Variants in UNC5A observed in about 807,000 individuals in gnomAD.
UNC5A encodes netrin receptor UNC5A.
UNC5A carries 20 observed loss-of-function variants against 87.4 expected under a neutral mutation model. The observed-to-expected ratio is 0.23, with a 90% CI of 0.16 to 0.33. UNC5A has a LOEUF of 0.33. Ranked by LOEUF, UNC5A falls within the 10% of genes least tolerant of loss-of-function variation. UNC5A has a pLI of 1.00. For synonymous variants in UNC5A, 438 were observed against 482.3 expected, an observed-to-expected ratio of 0.91 and a Z score of 1.20; for missense variants, 844 against 1,133.4, an observed-to-expected ratio of 0.74 and a Z score of 3.67.
intron 1 of UNC5A, among the ~76,000 whole-genome samples, chr5:176,843,884 C>T (rs922168213): frequency 3.3e-5 from 5 of 152,250 alleles, no homozygotes; most frequent in African/African-American, 4.8e-5. Flanking sequence ...ACGTGCGGCG[C>T]GTGGGGAGGG....
chr5:176,868,554 C>T lies in UNC5A; in HGVS notation c.437-7C>T, dbSNP rs1758029447. ...CAGACAGGAGGACACTCTCATTCCT[C>T]TTCTAGATTTGCGCAAGAACTTCGA... On this transcript the variant is annotated splice_region_variant and splice_polypyrimidine_tract_variant and intron_variant, in intron 3 of 14. Transcript: ENST00000329542. The T allele has an allele frequency of 6.3e-7, 1 of 1,594,158 alleles. No homozygotes were observed. The highest frequency in any genetic ancestry group is 8.5e-7 in the Non-Finnish European group (1 of 1,171,106).
rs767236589 is a variant in UNC5A, at chr5:176,868,566, C to T, written c.442C>T (p.Arg148Cys). Residue 148 changes from arginine to cysteine, a missense_variant, in exon 4 of 15, where the codon CGC becomes TGC. Around this residue, in one of 3 missense-constraint regions of UNC5A, gnomAD observed 314 missense variants for 466.5 expected, o/e 0.67. Transcript: ENST00000329542. ...QKAYIRIAYL[R>C]KNFEQEPLAK... Reference sequence around the variant, plus strand: ...CACTCTCATTCCTCTTCTAGATTTGCGCAAGAACTTCGAGCAGGAGCCGCT... The same window carrying T: ...CACTCTCATTCCTCTTCTAGATTTGTGCAAGAACTTCGAGCAGGAGCCGCT... 1.9e-6 allele frequency: 3 copies of T among 1,600,212 alleles called. No individual in the cohort carries two copies. The highest frequency in any genetic ancestry group is 1.7e-5 in the Admixed American group (1 of 57,570).
chr5:176,840,564 C>T (rs1757250901), intron 1 of UNC5A, among the ~76,000 whole-genome samples: 1 of 152,228 alleles, frequency 6.6e-6, no homozygotes, highest in Admixed American at 6.5e-5. Flanking sequence ...TGTCTAGGAT[C>T]CATTGGTCCG....
In UNC5A at chr5:176,868,945, C is replaced by T. The variant is rs200656095; in HGVS notation, c.702C>T (p.Ser234=). Residue 234 remains serine (S), a synonymous_variant, in exon 5 of 15, where the codon TCC becomes TCT. Coordinates refer to ENST00000329542, the MANE Select transcript of UNC5A (RefSeq NM_133369.3). Reference sequence around the variant, plus strand: ...TCGTGGCACGTCGCCGCAGCGCCTCCGCTGCTGTCATCGTCTACGGTGGGC... The same window carrying T: ...TCGTGGCACGTCGCCGCAGCGCCTCTGCTGCTGTCATCGTCTACGGTGGGC... ...KNIVARRRSA[S]AAVIVYVDGS... 46 of 1,608,580 alleles carry T rather than the reference C, an allele frequency of 2.9e-5. No individual in the cohort carries two copies. Among genetic ancestry groups the T allele is most frequent in the East Asian group, 2.7e-4 (12 of 44,758 alleles).
chr5:176,821,035 G>A (rs1567318), intron 1 of UNC5A, among the ~76,000 whole-genome samples: 2 of 152,042 alleles, frequency 1.3e-5, no homozygotes, highest in Non-Finnish European at 2.9e-5. Context: ...AACCAAACTT[G>A]CTTCCTTATG....
chr5:176,863,695 G>T (rs1757896738), intron 2 of UNC5A, among the ~76,000 whole-genome samples: 2 of 149,798 alleles, frequency 1.3e-5, no homozygotes, highest in East Asian at 4.0e-4. Flanking sequence ...AGAGGCAGGA[G>T]CAAACAACAG....
rs116953325 is a variant in UNC5A at position 176,869,368 on chromosome 5, G to A, written c.721+404G>A. Reference sequence around the variant, plus strand: ...GCTGGGGTCTGGGCTGCAGGAGTGTGTGAGCCGCGGTTCAGCCTGGCTACC... The same window carrying A: ...GCTGGGGTCTGGGCTGCAGGAGTGTATGAGCCGCGGTTCAGCCTGGCTACC... On this transcript the variant is annotated intron_variant, in intron 5 of 14. Transcript: ENST00000329542. This position sits in a 1 kb window ranked among gnomAD's most constrained non-coding sequence, Gnocchi z 9.1. 1.6e-4 allele frequency among the ~76,000 whole-genome samples: 24 copies of A among 152,254 alleles called. 1 individual carries two copies. The East Asian group carries it at 4.4e-3, about 28-fold the overall frequency.
chr5:176,843,172 AAAAGAAAG>A (rs201596079), intron 1 of UNC5A, among the ~76,000 whole-genome samples: 35 of 148,258 alleles, frequency 2.4e-4, no homozygotes, highest in African/African-American at 5.9e-4. Context: ...AAAAAAAAAA[AAAAGAAAG>A]AAAGAAAGAA....
chr5:176,847,730 AT>A (rs146713063), intron 1 of UNC5A, among the ~76,000 whole-genome samples: 2,627 of 152,184 alleles, frequency 0.017, 56 homozygotes, highest in African/African-American at 0.052. Context: ...TTTTATTAAG[AT>A]TTAAATATTC....
rs772667180 is a variant in UNC5A, at chr5:176,868,215, C to T, written c.378C>T (p.Cys126=). ...GGCTGGAGGAATACTGGTGCCAGTGCGTGGCATGGAGCTCCTCGGGCACCA... is the reference window on the plus strand; with the variant it reads ...GGCTGGAGGAATACTGGTGCCAGTGTGTGGCATGGAGCTCCTCGGGCACCA... The part of the protein sequence containing the change: ...VFGLEEYWCQ[C]VAWSSSGTTK... The change falls in exon 3 of 15, where the codon TGC becomes TGT. Residue 126 remains cysteine, a synonymous_variant. Transcript: ENST00000329542. 3.1e-6 allele frequency: 5 copies of T among 1,613,662 alleles called. No individual in the cohort carries two copies. The highest frequency in any genetic ancestry group is 1.7e-5 in the Admixed American group (1 of 59,996).
At position 176,868,542 on chromosome 5, in the gene UNC5A, A is replaced by C. The variant is rs748738796; in HGVS notation, c.437-19A>C. 1.9e-6 allele frequency: 3 copies of C among 1,581,410 alleles called. No homozygotes were observed. The highest frequency in any genetic ancestry group is 2.6e-6 in the Non-Finnish European group (3 of 1,163,900). On this transcript the variant is annotated intron_variant, in intron 3 of 14. Coordinates refer to ENST00000329542, the MANE Select transcript of UNC5A (RefSeq NM_133369.3). ...GTGCGAGGCCCTCAGACAGGAGGAC[A>C]CTCTCATTCCTCTTCTAGATTTGCG...
Position 176,879,384 on chromosome 5 carries a change from C to T in UNC5A, c.2259C>T (p.Phe753=), listed in dbSNP as rs145484999. The T allele has an allele frequency of 3.8e-5, 61 of 1,612,950 alleles. No homozygotes were observed. Among genetic ancestry groups the T allele is most frequent in the Non-Finnish European group, 4.8e-5 (57 of 1,179,904 alleles). Residue 753 remains phenylalanine (F), a synonymous_variant, in exon 14 of 15, where the codon TTC becomes TTT. Coordinates refer to ENST00000329542, the MANE Select transcript of UNC5A (RefSeq NM_133369.3). ...CAGCCCTGGTGGGCCCCAGTGCCTT[C>T]AAGATCCCCTTCCTCATTCGGCAGA... is the stretch of plus-strand genomic sequence containing the variant. ...GVPALVGPSA[F]KIPFLIRQKI...
At chr5:176,816,024 CCTCT>C (rs1377340714) in intron 1 of UNC5A, among the ~76,000 whole-genome samples, 2 of 152,186 alleles carry the variant, frequency 1.3e-5, no homozygotes, top group African/African-American at 4.8e-5. Context: ...AAATTCTAGT[CCTCT>C]CTCTGCTATT....
At chr5:176,873,790 A>C (rs1758188886) in intron 6 of UNC5A, among the ~76,000 whole-genome samples, 178 bp from the exon 7 acceptor site, 1 of 152,160 alleles carries the variant, frequency 6.6e-6, no homozygotes, top group South Asian at 2.1e-4. Flanking sequence ...AGTAATGGCA[A>C]ATACAGGGCT....
rs750442834 is a variant in UNC5A, at chr5:176,869,766, G to A, written c.722-604G>A. On this transcript the variant is annotated intron_variant, in intron 5 of 14. Coordinates refer to ENST00000329542, the MANE Select transcript of UNC5A (RefSeq NM_133369.3). This position sits in a 1 kb window ranked among gnomAD's most constrained non-coding sequence, Gnocchi z 9.1. Reference sequence around the variant, plus strand: ...GCAGAATGTCCAGAAAACAGCCTGCGCCACCCTGTGCCCAGGTACCAGCGG... The same window carrying A: ...GCAGAATGTCCAGAAAACAGCCTGCACCACCCTGTGCCCAGGTACCAGCGG... 22 of 606,182 alleles carry A rather than the reference G, an allele frequency of 3.6e-5. No homozygotes were observed. Among genetic ancestry groups the A allele is most frequent in the Middle Eastern group, 2.5e-4 (1 of 3,948 alleles). The allele number at this position is 606,182 out of a possible 1,614,324, so 37.6% of individuals were successfully genotyped here.
At chr5:176,860,055 G>A (rs900916240) in intron 1 of UNC5A, among the ~76,000 whole-genome samples, 1 of 152,208 alleles carries the variant, frequency 6.6e-6, no homozygotes, top group Non-Finnish European at 1.5e-5. Flanking sequence ...CTGATCGATA[G>A]GGAGGCTGGA....
At chr5:176,850,079 G>A (rs1046088971) in intron 1 of UNC5A, among the ~76,000 whole-genome samples, 3 of 152,208 alleles carry the variant, frequency 2.0e-5, no homozygotes, top group Non-Finnish European at 4.4e-5. Flanking sequence ...ATGGGAGGCC[G>A]AGGAGCAAGC....
chr5:176,874,376 T>A lies in UNC5A; in HGVS notation c.1188T>A (p.Asn396Lys). The A allele has an allele frequency of 6.2e-7, 1 of 1,613,740 alleles. No individual in the cohort carries two copies. The highest frequency in any genetic ancestry group is 8.5e-7 in the Non-Finnish European group (1 of 1,179,956). The change falls in exon 8 of 15, where the codon AAT becomes AAA. Residue 396 changes from asparagine (N) to lysine (K), a missense_variant. Around this residue, in one of 3 missense-constraint regions of UNC5A, gnomAD observed 353 missense variants for 387.5 expected, o/e 0.91. Transcript: ENST00000329542. The surrounding 1 kb of genome is among the most constrained non-coding windows in gnomAD (Gnocchi z 7.6). ...CCAGCCCCAAGTTCCAGCTCACCAATGGGCACCTGCTCAGCCCCCTGGGTG... is the reference window on the plus strand; with the variant it reads ...CCAGCCCCAAGTTCCAGCTCACCAAAGGGCACCTGCTCAGCCCCCTGGGTG... ...DGPSPKFQLT[N>K]GHLLSPLGGG...
At position 176,877,888 on chromosome 5, in the gene UNC5A, C is replaced by G; in HGVS notation, c.1636-6C>G. 12 of 1,597,624 alleles carry G rather than the reference C, an allele frequency of 7.5e-6. No homozygotes were observed. The highest frequency in any genetic ancestry group is 1.0e-5 in the Non-Finnish European group (12 of 1,176,354). On this transcript the variant is annotated splice_polypyrimidine_tract_variant and splice_region_variant and intron_variant, in intron 10 of 14. Coordinates refer to ENST00000329542, the MANE Select transcript of UNC5A (RefSeq NM_133369.3). ...GCCGAATTGACCCACTGACCCCTGC[C>G]CACAGGATGTGCTGCACCTGGGCGA... is the stretch of plus-strand genomic sequence containing the variant.
Sources: allele counts gnomAD v4.1 joint callset (sites outside exome capture counted in the v4.1 genomes callset), GRCh38; gene constraint gnomAD v4.1.1; regional missense constraint gnomAD v4.1.1; non-coding constraint Gnocchi (gnomAD v3.1); transcripts MANE v1.5; gene names NCBI Gene and HGNC (gene_info 2026-07-23, HGNC 2026-07-21).